The following AKR1C4 variants were observed in gnomAD, a reference collection of about 807,000 sequenced individuals.
The protein encoded by AKR1C4 is 3-alpha-HSD1.
A neutral mutation model predicts 41.0 loss-of-function variants in AKR1C4; 44 were observed. That is an observed-to-expected ratio of 1.07 (90% CI 0.84 to 1.38). AKR1C4 has a LOEUF of 1.38. Among genes scored for constraint, AKR1C4 ranks in the 40% most tolerant of loss-of-function variants. The pLI is 0.00. For synonymous variants in AKR1C4, 165 were observed against 137.7 expected (o/e 1.20, Z -1.39); for missense variants, 438 against 387.9 (o/e 1.13, Z -1.09).
At position 5,212,661 on chromosome 10, in the gene AKR1C4, T is replaced by G. The variant is rs782225579; in HGVS notation, c.616T>G (p.Cys206Gly). 15 of 1,613,960 alleles carry G rather than the reference T, an allele frequency of 9.3e-6. No homozygotes were observed. Among genetic ancestry groups the G allele is most frequent in the Non-Finnish European group, 1.2e-5 (14 of 1,179,994 alleles). The change falls in exon 6 of 9, where the codon TGC (cysteine) becomes GGC (glycine). Residue 206 changes from cysteine (C) to glycine (G), a missense_variant. Cys to Gly is a radical substitution (Grantham distance 159). Coordinates refer to ENST00000263126, the MANE Select transcript of AKR1C4 (RefSeq NM_001818.5). The stretch of plus-strand genomic sequence containing the variant: ...CAACCAGAGCAAACTGCTGGATTTC[T>G]GCAAGTCAAAAGACATTGTTCTGGT... ...YLNQSKLLDF[C>G]KSKDIVLVAH...
intron 5 of AKR1C4, among the ~76,000 whole-genome samples, chr10:5,206,766 G>A (rs782510856): frequency 2.8e-4 from 35 of 123,316 alleles, no homozygotes; most frequent in Non-Finnish European, 4.6e-4. Context: ...TAATTATAGA[G>A]GCCATAAAAA....
In AKR1C4 at chr10:5,213,165, G is replaced by A; in HGVS notation, c.846+6G>A. 1 of 1,612,842 alleles carries A rather than the reference G, an allele frequency of 6.2e-7. No individual in the cohort carries two copies. Among genetic ancestry groups the A allele is most frequent in the Non-Finnish European group, 8.5e-7 (1 of 1,179,904 alleles). ...GGATCAGAGAGAACATCCAGGTGAG[G>A]AGTTGGGTGGGCATCAGGGCTCCTG... On this transcript the variant is annotated splice_donor_region_variant and intron_variant, in intron 7 of 8. Coordinates refer to ENST00000263126, the MANE Select transcript of AKR1C4 (RefSeq NM_001818.5).
intron 2 of AKR1C4, among the ~76,000 whole-genome samples, chr10:5,201,701 A>T (rs1554796938): frequency 1.3e-5 from 2 of 152,168 alleles, no homozygotes; most frequent in African/African-American, 4.8e-5. Context: ...CAATGTTAAG[A>T]AGAGTTTTCC....
chr10:5,216,191 C>A lies in AKR1C4; in HGVS notation c.847-520C>A, dbSNP rs576948795. On this transcript the variant is annotated intron_variant, in intron 7 of 8. Transcript: ENST00000263126. Reference sequence around the variant, plus strand: ...AGAAAATGTCAGGCTCCTTTTTAAACCAGATTTCATGTGAACTAATGCAGT... The same window carrying A: ...AGAAAATGTCAGGCTCCTTTTTAAAACAGATTTCATGTGAACTAATGCAGT... 5.3e-5 allele frequency among the ~76,000 whole-genome samples: 8 copies of A among 152,248 alleles called. No homozygotes were observed. The East Asian group carries it at 1.5e-3, about 29-fold the overall frequency.
At chr10:5,211,526 C>G (rs912576695) in intron 5 of AKR1C4, among the ~76,000 whole-genome samples, 4 of 152,192 alleles carry the variant, frequency 2.6e-5, no homozygotes, top group Admixed American at 2.6e-4. Flanking sequence ...CAGTTCCCAA[C>G]AAGTTCCTCA....
In AKR1C4 at chr10:5,216,776, A is replaced by T; in HGVS notation, c.912A>T (p.Arg304=). The change falls in exon 8 of 9, where the codon CGA becomes CGT. Residue 304 remains arginine (R), a synonymous_variant. Coordinates refer to ENST00000263126, the MANE Select transcript of AKR1C4 (RefSeq NM_001818.5). ...KVLDGLNRNY[R]YVVMDFLMDH... ...TAGATGGTCTAAACAGAAATTATCG[A>T]TATGTTGTCATGGATTTGTAAGTAA... 1.2e-6 allele frequency: 2 copies of T among 1,610,032 alleles called. No homozygotes were observed. Among genetic ancestry groups the T allele is most frequent in the Admixed American group, 3.4e-5 (2 of 59,694 alleles).
Position 5,218,719 on chromosome 10 carries a change from C to G in AKR1C4, c.931C>G (p.Leu311Val), listed in dbSNP as rs17134592. The G allele has an allele frequency of 0.14, 221,071 of 1,593,568 alleles. 16,529 individuals carry two copies. The highest frequency in any genetic ancestry group is 0.19 in the Admixed American group (11,575 of 59,898). ...RNYRYVVMDF[L>V]MDHPDYPFSD... is the part of the protein sequence containing the mutation. Reference sequence around the variant, plus strand: ...ATGTACTATCCTTTCTCTTTTCAGTCTTATGGACCATCCTGATTATCCATT... The same window carrying G: ...ATGTACTATCCTTTCTCTTTTCAGTGTTATGGACCATCCTGATTATCCATT... Residue 311 changes from leucine to valine, a missense_variant and splice_region_variant, in exon 9 of 9, where the codon CTT becomes GTT. Coordinates refer to ENST00000263126, the MANE Select transcript of AKR1C4 (RefSeq NM_001818.5).
At chr10:5,206,239 T>A in intron 4 of AKR1C4, 36 bp from the exon 5 acceptor site, 1 of 1,613,700 alleles carries the variant, frequency 6.2e-7, no homozygotes, top group Non-Finnish European at 8.5e-7. Flanking sequence ...TGCAGCCAAC[T>A]GCACAAATAA....
chr10:5,199,236 C>G (rs1832359411), intron 1 of AKR1C4, among the ~76,000 whole-genome samples: 1 of 152,004 alleles, frequency 6.6e-6, no homozygotes, highest in Non-Finnish European at 1.5e-5. Flanking sequence ...ACCCAAGACA[C>G]GAGGATAATG....
Position 5,218,840 on chromosome 10 carries a change from T to G in AKR1C4, c.*80T>G. ...CAGAGGATGTCTCTATGCTGGTGAC[T>G]GGACACACAGCCTCTGGTTAAATCC... On this transcript the variant is annotated 3_prime_UTR_variant, in exon 9 of 9. Coordinates refer to ENST00000263126, the MANE Select transcript of AKR1C4 (RefSeq NM_001818.5). The G allele has an allele frequency of 7.1e-7, 1 of 1,416,056 alleles. No individual in the cohort carries two copies. Among genetic ancestry groups the G allele is most frequent in the East Asian group, 2.3e-5 (1 of 43,770 alleles). 87.7% of individuals were successfully genotyped at this position (1,416,056 alleles called of 1,614,324 possible).
At chr10:5,210,515 G>C (rs1295995871) in intron 5 of AKR1C4, among the ~76,000 whole-genome samples, 1 of 152,170 alleles carries the variant, frequency 6.6e-6, no homozygotes, top group East Asian at 1.9e-4. Flanking sequence ...CCATGAGAGT[G>C]CATGCCTAGT....
intron 4 of AKR1C4, 133 bp from the exon 5 acceptor site, chr10:5,206,141 AT>A (rs138559629): frequency 4.1e-6 from 6 of 1,468,316 alleles, no homozygotes; most frequent in African/African-American, 1.4e-5. Flanking sequence ...ATCTGTTGTA[AT>A]TTTTTCTCTT....
In AKR1C4 at chr10:5,204,492, A is replaced by T. The variant is rs1280243019; in HGVS notation, c.368A>T (p.Lys123Met). Reference sequence around the variant, plus strand: ...CTTCTTCATTTCCCAATGGCTCTCAAGGTAGGGAATTTGTGAGATCAACTT... The same window carrying T: ...CTTCTTCATTTCCCAATGGCTCTCATGGTAGGGAATTTGTGAGATCAACTT... ...LYLLHFPMAL[K>M]PGETPLPKDE... Residue 123 changes from lysine (K) to methionine (M), a missense_variant and splice_region_variant, in exon 3 of 9, where the codon AAG becomes ATG. Transcript: ENST00000263126. 4 of 1,603,268 alleles carry T rather than the reference A, an allele frequency of 2.5e-6. No homozygotes were observed. The highest frequency in any genetic ancestry group is 3.4e-6 in the Non-Finnish European group (4 of 1,170,412).
At position 5,216,744 on chromosome 10, in the gene AKR1C4, A is replaced by C; in HGVS notation, c.880A>C (p.Lys294Gln). The change falls in exon 8 of 9, where the codon AAA (lysine) becomes CAA (glutamine). Residue 294 changes from lysine (K) to glutamine (Q), a missense_variant. Lys to Gln is a moderately conservative substitution (Grantham distance 53, BLOSUM62 1). Transcript: ENST00000263126. ...FEFQLTSEDM[K>Q]VLDGLNRNYR... ...ATTCCAGTTGACATCAGAGGATATG[A>C]AAGTTCTAGATGGTCTAAACAGAAA... The C allele has an allele frequency of 6.2e-7, 1 of 1,612,506 alleles. No homozygotes were observed. The highest frequency in any genetic ancestry group is 8.5e-7 in the Non-Finnish European group (1 of 1,179,044).
chr10:5,200,584 A>G lies in AKR1C4; in HGVS notation c.252+236A>G, dbSNP rs1472633079. Among the ~76,000 whole-genome samples, 7 of 152,372 alleles carry G rather than the reference A, an allele frequency of 4.6e-5. No individual in the cohort carries two copies. The East Asian group carries it at 1.2e-3, about 25-fold the overall frequency. On this transcript the variant is annotated intron_variant, in intron 2 of 8. Coordinates refer to ENST00000263126, the MANE Select transcript of AKR1C4 (RefSeq NM_001818.5). ...TACTTTAGGTTTTGAGCCTCAGCTC[A>G]GATCAGTATAATTATTTTATGAATT...
intron 1 of AKR1C4, among the ~76,000 whole-genome samples, chr10:5,199,705 G>A (rs1402841122): frequency 6.6e-6 from 1 of 152,074 alleles, no homozygotes; most frequent in Non-Finnish European, 1.5e-5. Flanking sequence ...CCGGACTCTA[G>A]GGGAAAACGT....
chr10:5,218,711 T>C lies in AKR1C4; in HGVS notation c.930-7T>C. 6.3e-7 allele frequency: 1 copy of C among 1,588,560 alleles called. No individual in the cohort carries two copies. The highest frequency in any genetic ancestry group is 8.6e-7 in the Non-Finnish European group (1 of 1,156,666). ...CCATATTTATGTACTATCCTTTCTC[T>C]TTTCAGTCTTATGGACCATCCTGAT... On this transcript the variant is annotated splice_polypyrimidine_tract_variant and splice_region_variant and intron_variant, in intron 8 of 8. Transcript: ENST00000263126.
Position 5,207,653 on chromosome 10 carries a change from C to A in AKR1C4, c.570+1256C>A. 4 of 1,116,734 alleles carry A rather than the reference C, an allele frequency of 3.6e-6. No individual in the cohort carries two copies. In the South Asian group the frequency reaches 4.8e-5, roughly 13 times the overall value. The allele number at this position is 1,116,734 out of a possible 1,614,324, so 69.2% of individuals were successfully genotyped here. A position where few individuals can be genotyped will look rare whatever the true frequency, so the allele number is the denominator to read the frequency against. ...TCAACTCCTTGGCATTTGCAGCCTA[C>A]CTGTGCAATCATAGGACATGAAATA... is the stretch of plus-strand genomic sequence containing the variant. On this transcript the variant is annotated intron_variant, in intron 5 of 8. Coordinates refer to ENST00000263126, the MANE Select transcript of AKR1C4 (RefSeq NM_001818.5).
intron 7 of AKR1C4, among the ~76,000 whole-genome samples, chr10:5,215,692 T>C (rs188992089): frequency 8.3e-4 from 126 of 152,374 alleles, no homozygotes; most frequent in African/African-American, 2.8e-3. Flanking sequence ...TCGTAAGGTA[T>C]AACAAGGGTG....
Sources: gnomAD v4.1 joint callset for allele counts (sites outside exome capture counted in the v4.1 genomes callset) on GRCh38, gnomAD v4.1.1 for gene constraint, MANE v1.5 for transcripts, NCBI Gene and HGNC (gene_info 2026-07-23, HGNC 2026-07-21) for gene names.